IPO5: variants seen among roughly 807,000 people sequenced by gnomAD.
The protein encoded by IPO5 is importin-5.
IPO5 carries 18 observed loss-of-function variants against 143.3 expected under a neutral mutation model. The ratio of observed to expected loss-of-function variants is 0.13; its 90% CI spans 0.09 to 0.19. The LOEUF is 0.19. IPO5 is among the 10% of genes least tolerant of loss of function. The pLI is 1.00. For synonymous variants in IPO5, 477 were observed against 465.7 expected (o/e 1.02, Z -0.31); for missense variants, 1,013 against 1,336.9 (o/e 0.76, Z 3.78).
At position 98,019,814 on chromosome 13, in the gene IPO5, G is replaced by A. The variant is rs1890356792; in HGVS notation, c.3065+5G>A. On this transcript the variant is annotated splice_donor_5th_base_variant and intron_variant, in intron 27 of 28. Transcript: ENST00000651721. ...TCTGTGTGACCTGATTGAAAGGTAG[G>A]AAAGCAGACTGTGACCTTATTTCCT... 14 of 1,578,274 alleles carry A rather than the reference G, an allele frequency of 8.9e-6. No homozygotes were observed. The highest frequency in any genetic ancestry group is 1.2e-5 in the Non-Finnish European group (14 of 1,147,728).
In IPO5 at chr13:97,990,082, T is replaced by C. The variant is rs978474869; in HGVS notation, c.468-44T>C. 3.5e-6 allele frequency: 4 copies of C among 1,136,350 alleles called. No homozygotes were observed. In the African/African-American group the frequency reaches 6.2e-5, roughly 18 times the overall value. The allele number at this position is 1,136,350 out of a possible 1,614,324, so 70.4% of individuals were successfully genotyped here. On this transcript the variant is annotated intron_variant, in intron 7 of 28. Coordinates refer to ENST00000651721, the MANE Select transcript of IPO5 (RefSeq NM_002271.6). ...TTCTAGCTCATACTTTACCAAGATA[T>C]TAATATAATGTAGTTTTTAAAGAAT...
intron 13 of IPO5, 84 bp from the exon 14 acceptor site, chr13:98,002,382 AT>A: frequency 7.4e-7 from 1 of 1,356,150 alleles, no homozygotes; most frequent in African/African-American, 1.5e-5. Flanking sequence ...TCTTTTCCAA[AT>A]AAGAACTTTT....
At chr13:97,987,720 C>G (rs1887489032) in intron 6 of IPO5, among the ~76,000 whole-genome samples, 2 of 152,178 alleles carry the variant, frequency 1.3e-5, no homozygotes, top group Admixed American at 1.3e-4. Flanking sequence ...CCAGCCTGGT[C>G]TCAAATGCCT....
chr13:98,006,118 T>C lies in IPO5; in HGVS notation c.1498-12T>C, dbSNP rs1233125439. The C allele has an allele frequency of 1.3e-6, 2 of 1,574,796 alleles. No individual in the cohort carries two copies. Among genetic ancestry groups the C allele is most frequent in the Admixed American group, 3.3e-5 (2 of 59,740 alleles). On this transcript the variant is annotated splice_polypyrimidine_tract_variant and intron_variant, in intron 16 of 28. Transcript: ENST00000651721. Reference sequence around the variant, plus strand: ...TTTTCCTTTGAGGTAATAATTTGTGTCTTCCTTCTAGCTGATTCAGAAAGG... The same window carrying C: ...TTTTCCTTTGAGGTAATAATTTGTGCCTTCCTTCTAGCTGATTCAGAAAGG...
At chr13:97,984,807 A>G (rs1887188417) in intron 5 of IPO5, among the ~76,000 whole-genome samples, 1 of 152,222 alleles carries the variant, frequency 6.6e-6, no homozygotes, top group Non-Finnish European at 1.5e-5. Flanking sequence ...TTAGAATGGC[A>G]TTTGTCTTAG....
rs1314262683 is a variant in IPO5, at chr13:97,963,725, G to GT, written c.-112-5991dup. Among the ~76,000 whole-genome samples, 4 of 152,118 alleles carry GT rather than the reference G, an allele frequency of 2.6e-5. No individual in the cohort carries two copies. In the East Asian group the frequency reaches 7.7e-4, roughly 29 times the overall value. Reference sequence around the variant, plus strand: ...AGCAACTGTTAATCCTTTGAATTTTGTTTTTTTCGACTGCTTTGGTTACTC... The same window carrying GT: ...AGCAACTGTTAATCCTTTGAATTTTGTTTTTTTTCGACTGCTTTGGTTACTC... On this transcript the variant is annotated intron_variant, in intron 2 of 28. Coordinates refer to ENST00000651721, the MANE Select transcript of IPO5 (RefSeq NM_002271.6).
intron 20 of IPO5, among the ~76,000 whole-genome samples, chr13:98,011,696 G>A (rs564249732): frequency 2.6e-5 from 4 of 152,196 alleles, no homozygotes; most frequent in East Asian, 3.9e-4. Context: ...TAGTAGAGAC[G>A]GGGTTTCACT....
rs1406941043 is a variant in IPO5, at chr13:98,003,005, C to A, written c.1465C>A (p.Leu489Met). The A allele has an allele frequency of 6.2e-7, 1 of 1,613,216 alleles. No homozygotes were observed. ...IPYLDNLVKH[L>M]HSIMVLKLQE... is the part of the protein sequence containing the mutation. Reference sequence around the variant, plus strand: ...ATACTTGGATAATTTGGTGAAACATCTGCATTCCATTATGGTACTGAAGCT... The same window carrying A: ...ATACTTGGATAATTTGGTGAAACATATGCATTCCATTATGGTACTGAAGCT... The change falls in exon 16 of 29, where the codon CTG becomes ATG. Residue 489 changes from leucine to methionine, a missense_variant. Physicochemically the swap from Leu to Met is conservative, Grantham distance 15 (BLOSUM62 2). Around this residue, in one of 2 missense-constraint regions of IPO5, gnomAD observed 685 missense variants for 994.9 expected, o/e 0.69. Transcript: ENST00000651721.
At chr13:98,013,472 T>C (rs1336939642) in intron 21 of IPO5, among the ~76,000 whole-genome samples, 12 of 152,318 alleles carry the variant, frequency 7.9e-5, no homozygotes, top group Middle Eastern at 3.4e-3. Flanking sequence ...ATCATTCCTT[T>C]TACGGTATCC....
intron 2 of IPO5, among the ~76,000 whole-genome samples, chr13:97,960,561 G>T (rs561369363): frequency 4.2e-5 from 6 of 141,692 alleles, no homozygotes; most frequent in South Asian, 4.5e-4. Context: ...TATTTATTTG[G>T]TTTTTTTTTT....
chr13:97,968,771 G>C (rs1885562485), intron 2 of IPO5, among the ~76,000 whole-genome samples: 1 of 151,720 alleles, frequency 6.6e-6, no homozygotes, highest in Non-Finnish European at 1.5e-5. Flanking sequence ...GCTCATTACA[G>C]CCTCTGCCTC....
intron 2 of IPO5, among the ~76,000 whole-genome samples, chr13:97,956,375 A>T (rs893914668): frequency 8.5e-5 from 13 of 152,274 alleles, no homozygotes; most frequent in African/African-American, 3.1e-4. Flanking sequence ...TCTGATATAT[A>T]AAAAAGTGCT....
chr13:98,017,994 A>C (rs1351592194), intron 25 of IPO5, among the ~76,000 whole-genome samples: 1 of 152,086 alleles, frequency 6.6e-6, no homozygotes. Flanking sequence ...AAAATATATT[A>C]TAAATTAGCA....
chr13:97,988,078 A>G lies in IPO5; in HGVS notation c.365-984A>G, dbSNP rs1887523537. 1.8e-5 allele frequency: 4 copies of G among 226,154 alleles called. No homozygotes were observed. The South Asian group carries it at 1.8e-4, about 10-fold the overall frequency. 14.0% of individuals were successfully genotyped at this position (226,154 alleles called of 1,614,324 possible). A position where few individuals can be genotyped will look rare whatever the true frequency, so the allele number is the denominator to read the frequency against. On this transcript the variant is annotated intron_variant, in intron 6 of 28. Transcript: ENST00000651721. Reference sequence around the variant, plus strand: ...AGTTCAAATATCGGGGGACGTTTAAAAAGAAAACATCTGTAATTCATCTGT... The same window carrying G: ...AGTTCAAATATCGGGGGACGTTTAAGAAGAAAACATCTGTAATTCATCTGT...
At chr13:97,972,061 T>G (rs1885869055) in intron 3 of IPO5, among the ~76,000 whole-genome samples, 1 of 152,190 alleles carries the variant, frequency 6.6e-6, no homozygotes, top group Non-Finnish European at 1.5e-5. Context: ...TAGTTACAGA[T>G]TATAACACTT....
In IPO5 at chr13:97,992,902, A is replaced by G; in HGVS notation, c.680A>G (p.Asp227Gly). 6.2e-7 allele frequency: 1 copy of G among 1,610,298 alleles called. No individual in the cohort carries two copies. The highest frequency in any genetic ancestry group is 1.7e-4 in the Middle Eastern group (1 of 6,052). The change falls in exon 10 of 29, where the codon GAC becomes GGC. Residue 227 changes from aspartate to glycine, a missense_variant. This residue lies in a region of IPO5 where 328 missense variants were observed against 342.0 expected (regional missense o/e 0.96). Transcript: ENST00000651721. The part of the protein sequence containing the change: ...LLPGFLQAVN[D>G]SCYQNDDSVL... ...TTTCATCTTTTCTAGGCGGTAAATG[A>G]CTCGTGCTACCAGAATGATGATTCT...
chr13:98,017,055 C>T (rs1319175845), intron 25 of IPO5, among the ~76,000 whole-genome samples: 2 of 152,032 alleles, frequency 1.3e-5, no homozygotes, highest in Non-Finnish European at 2.9e-5. Flanking sequence ...CTTGGTTTTC[C>T]ATAGGCCAAT....
chr13:97,968,916 C>A (rs1411881591), intron 2 of IPO5, among the ~76,000 whole-genome samples: 2 of 151,280 alleles, frequency 1.3e-5, no homozygotes, highest in Non-Finnish European at 3.0e-5. Flanking sequence ...CTTGAACTCC[C>A]GACCTCAAGT....
Position 98,002,850 on chromosome 13 carries a change from G to A in IPO5, c.1324-14G>A. ...ACATTTCAACATGTGTGCCCATTTG[G>A]TTTCATTTCACAGGTGATTGCAGCT... On this transcript the variant is annotated splice_polypyrimidine_tract_variant and intron_variant, in intron 15 of 28. Transcript: ENST00000651721. 2 of 1,606,786 alleles carry A rather than the reference G, an allele frequency of 1.2e-6. No individual in the cohort carries two copies. The highest frequency in any genetic ancestry group is 1.7e-6 in the Non-Finnish European group (2 of 1,176,704).
Sources: gnomAD v4.1 joint callset for allele counts (sites outside exome capture counted in the v4.1 genomes callset) on GRCh38, gnomAD v4.1.1 for gene constraint, gnomAD v4.1.1 regional missense constraint, MANE v1.5 for transcripts, NCBI Gene and HGNC (gene_info 2026-07-23, HGNC 2026-07-21) for gene names.